The following TOMM70 variants were observed in gnomAD, a reference collection of about 807,000 sequenced individuals.
The protein encoded by TOMM70 is mitochondrial import receptor subunit TOM70.
A neutral mutation model predicts 73.6 loss-of-function variants in TOMM70; 13 were observed. The observed-to-expected ratio is 0.18, with a 90% CI of 0.11 to 0.28. The LOEUF is 0.28. TOMM70 is among the 10% of genes least tolerant of loss of function. The pLI is 1.00. For synonymous variants in TOMM70, 257 were observed against 271.2 expected, an observed-to-expected ratio of 0.95 and a Z score of 0.51; for missense variants, 609 against 747.5, an observed-to-expected ratio of 0.81 and a Z score of 2.16.
At chr3:100,373,142 T>TA (rs58081220) in intron 8 of TOMM70, among the ~76,000 whole-genome samples, 3,957 of 134,982 alleles carry the variant, frequency 0.029, 112 homozygotes, top group African/African-American at 0.077. Context: ...AATTTTTACT[T>TA]AAAAAAAAAA....
intron 10 of TOMM70, among the ~76,000 whole-genome samples, chr3:100,368,711 G>A (rs973097582): frequency 6.6e-6 from 1 of 152,132 alleles, no homozygotes; most frequent in Non-Finnish European, 1.5e-5. Context: ...GAGTAGCTGG[G>A]AATCGGGCAT....
intron 6 of TOMM70, 182 bp downstream of exon 6, chr3:100,377,523 C>A: frequency 3.3e-6 from 2 of 604,040 alleles, no homozygotes; most frequent in Non-Finnish European, 5.6e-6. Context: ...AGATAAATAT[C>A]ATTGATATTT....
rs1016444555 is a variant in TOMM70, at chr3:100,401,070, G to C, written c.-121C>G. The C allele has an allele frequency of 2.7e-6, 3 of 1,111,328 alleles. No homozygotes were observed. Among genetic ancestry groups the C allele is most frequent in the Non-Finnish European group, 1.3e-6 (1 of 779,084 alleles). The allele number at this position is 1,111,328 out of a possible 1,614,324, so 68.8% of individuals were successfully genotyped here. A position where few individuals can be genotyped will look rare whatever the true frequency, so the allele number is the denominator to read the frequency against. On this transcript the variant is annotated 5_prime_UTR_variant, in exon 1 of 12. Coordinates refer to ENST00000284320, the MANE Select transcript of TOMM70 (RefSeq NM_014820.5). ...TGAGCGAGCGAGCACGCTAGGCAGAGAGAGCGGACGACAGAAAAGGGCCAG... is the reference window on the plus strand; with the variant it reads ...TGAGCGAGCGAGCACGCTAGGCAGACAGAGCGGACGACAGAAAAGGGCCAG...
In TOMM70 at chr3:100,400,736, C is replaced by T. The variant is rs1205960555; in HGVS notation, c.214G>A (p.Gly72Ser). Reference protein sequence around the residue: ...QQRRREARGRGDASGLKRNSE... With the variant: ...QQRRREARGRSDASGLKRNSE... ...TTGCGCTTCAGGCCGCTGGCGTCGC[C>T]CCGGCCTCTGGCCTCCCGGCGCCGT... The change falls in exon 1 of 12, where the codon GGC (glycine) becomes AGC (serine). Residue 72 changes from glycine (G) to serine (S), a missense_variant. By Grantham distance (56) the Gly-to-Ser change is moderately conservative (BLOSUM62 0). Around this residue, in one of 2 missense-constraint regions of TOMM70, gnomAD observed 177 missense variants for 163.5 expected, o/e 1.08. Transcript: ENST00000284320. The T allele has an allele frequency of 1.2e-6, 2 of 1,605,080 alleles. No homozygotes were observed. The highest frequency in any genetic ancestry group is 1.7e-5 in the Admixed American group (1 of 59,492).
At chr3:100,366,726 C>T (rs1421850746) in intron 11 of TOMM70, among the ~76,000 whole-genome samples, 4 of 152,196 alleles carry the variant, frequency 2.6e-5, no homozygotes, top group African/African-American at 9.7e-5. Context: ...GTTCAATTAA[C>T]GTGAACAAAA....
chr3:100,395,817 C>T (rs1281255532), intron 1 of TOMM70, among the ~76,000 whole-genome samples: 2 of 152,110 alleles, frequency 1.3e-5, no homozygotes, highest in East Asian at 1.9e-4. Context: ...CCAGTCTCAG[C>T]CTTCACAGAT....
At position 100,400,907 on chromosome 3, in the gene TOMM70, C is replaced by A; in HGVS notation, c.43G>T (p.Ala15Ser). 3.3e-6 allele frequency: 5 copies of A among 1,528,602 alleles called. No individual in the cohort carries two copies. The highest frequency in any genetic ancestry group is 1.4e-5 in the African/African-American group (1 of 71,460). 94.7% of individuals were successfully genotyped at this position (1,528,602 alleles called of 1,614,324 possible). A position where few individuals can be genotyped will look rare whatever the true frequency, so the allele number is the denominator to read the frequency against. The change falls in exon 1 of 12, where the codon GCT becomes TCT. Residue 15 changes from alanine to serine, a missense_variant. Transcript: ENST00000284320. ...KPVEAAVVAA[A>S]VPSSGSGVGG... ...ACCCCACTCCCGGAGCTCGGTACAG[C>A]GGCTGCGACCACCGCTGCCTCCACA...
intron 5 of TOMM70, 115 bp from the exon 6 acceptor site, chr3:100,378,027 A>AT (rs1706584956): frequency 1.2e-6 from 1 of 822,308 alleles, no homozygotes; most frequent in Non-Finnish European, 1.9e-6. Context: ...TGGGCGGATC[A>AT]CGAGGTCAGG....
intron 9 of TOMM70, among the ~76,000 whole-genome samples, chr3:100,371,259 ATTTTTTTTTT>A (rs61515802): frequency 2.0e-5 from 2 of 98,668 alleles, no homozygotes; most frequent in Non-Finnish European, 4.0e-5. Context: ...CAGCGATGGT[ATTTTTTTTTT>A]TTTTTTTTTT....
chr3:100,388,137 G>A (rs1252820774), intron 1 of TOMM70, among the ~76,000 whole-genome samples: 1 of 152,100 alleles, frequency 6.6e-6, no homozygotes, highest in African/African-American at 2.4e-5. Flanking sequence ...CAAAAGCTTT[G>A]AGACATAAAT....
chr3:100,384,940 A>G (rs994147187), intron 3 of TOMM70, among the ~76,000 whole-genome samples: 6 of 152,190 alleles, frequency 3.9e-5, no homozygotes, highest in Admixed American at 3.9e-4. Flanking sequence ...GTTTGTTTAT[A>G]GGCCTCAGAG....
chr3:100,392,362 G>A (rs551757615), intron 1 of TOMM70, among the ~76,000 whole-genome samples: 1 of 152,234 alleles, frequency 6.6e-6, no homozygotes, highest in East Asian at 1.9e-4. Flanking sequence ...AAATACTTCA[G>A]GTAATACACC....
intron 11 of TOMM70, among the ~76,000 whole-genome samples, chr3:100,366,064 G>A (rs1033944672): frequency 6.6e-6 from 1 of 152,140 alleles, no homozygotes; most frequent in African/African-American, 2.4e-5. Context: ...TCACAATTCC[G>A]TCTGGTTCCT....
intron 1 of TOMM70, among the ~76,000 whole-genome samples, chr3:100,394,847 C>G (rs954540122): frequency 6.6e-6 from 1 of 151,938 alleles, no homozygotes; most frequent in Admixed American, 6.6e-5. Context: ...GATAATAATA[C>G]CTAAGATAAT....
At chr3:100,385,704 C>T (rs1706682617) in intron 3 of TOMM70, among the ~76,000 whole-genome samples, 1 of 152,130 alleles carries the variant, frequency 6.6e-6, no homozygotes, top group African/African-American at 2.4e-5. Context: ...GTACCAATTA[C>T]ATCATTTCCA....
intron 5 of TOMM70, among the ~76,000 whole-genome samples, chr3:100,380,681 T>G (rs937688617): frequency 6.6e-6 from 1 of 152,196 alleles, no homozygotes; most frequent in African/African-American, 2.4e-5. Context: ...AAGAAAGTAT[T>G]TGCATAACTG....
At chr3:100,386,372 C>T in intron 2 of TOMM70, 28 bp from the exon 3 acceptor site, 1 of 1,581,942 alleles carries the variant, frequency 6.3e-7, no homozygotes, top group Non-Finnish European at 8.6e-7. Context: ...TAAAAAAAGT[C>T]ACACTAAAGA....
At chr3:100,376,588 A>ATT (rs397948694) in intron 6 of TOMM70, among the ~76,000 whole-genome samples, 15,846 of 143,622 alleles carry the variant, frequency 0.11, 1,243 homozygotes, top group African/African-American at 0.22. Context: ...CGTCCAATCT[A>ATT]TTTTTTTTTT....
At chr3:100,377,466 G>A in intron 6 of TOMM70, 2 of 455,262 alleles carry the variant, frequency 4.4e-6, no homozygotes, top group South Asian at 2.4e-5. Context: ...GGGAGACGAT[G>A]AAACTACCGG....
Sources: gnomAD v4.1 joint callset for allele counts (sites outside exome capture counted in the v4.1 genomes callset) on GRCh38, gnomAD v4.1.1 for gene constraint, gnomAD v4.1.1 regional missense constraint, MANE v1.5 for transcripts, NCBI Gene and HGNC (gene_info 2026-07-23, HGNC 2026-07-21) for gene names.